Variants in ZC3HAV1 observed in about 807,000 individuals in gnomAD.
The protein encoded by ZC3HAV1 is zinc finger CCCH-type containing, antiviral 1, also known as zinc finger CCCH-type antiviral protein 1.
A neutral mutation model predicts 86.6 loss-of-function variants in ZC3HAV1; 41 were observed. That is an observed-to-expected ratio of 0.47 (90% CI 0.37 to 0.61). The LOEUF is 0.61. ZC3HAV1 is among the 20% of genes least tolerant of loss of function. ZC3HAV1 has a pLI of 0.00. For missense variants in ZC3HAV1, 964 were observed against 1,141.1 expected (o/e 0.84, Z 2.24); for synonymous variants, 421 against 432.1 (o/e 0.97, Z 0.32).
intron 2 of ZC3HAV1, 141 bp from the exon 3 acceptor site, chr7:139,084,173 C>T: frequency 2.5e-6 from 3 of 1,193,636 alleles, no homozygotes; most frequent in Non-Finnish European, 2.3e-6. Context: ...GCATATTCTG[C>T]AGTCTTTGAT....
chr7:139,076,171 C>A, intron 6 of ZC3HAV1, 115 bp downstream of exon 6: 1 of 1,498,800 alleles, frequency 6.7e-7, no homozygotes, highest in Non-Finnish European at 9.0e-7. Flanking sequence ...GTATTTCACA[C>A]TCGAATGGGA....
At chr7:139,103,384 A>G (rs1428639661) in intron 1 of ZC3HAV1, among the ~76,000 whole-genome samples, 3 of 151,688 alleles carry the variant, frequency 2.0e-5, no homozygotes, top group Non-Finnish European at 2.9e-5. Context: ...TACACCCATG[A>G]GCCACTGCAC....
intron 2 of ZC3HAV1, 89 bp downstream of exon 2, chr7:139,089,535 T>C (rs562277080): frequency 2.8e-6 from 4 of 1,448,074 alleles, no homozygotes; most frequent in African/African-American, 1.5e-5. Context: ...GCATTAATTT[T>C]GAATTTTCTC....
chr7:139,077,319 C>G (rs1816981769), intron 5 of ZC3HAV1, among the ~76,000 whole-genome samples: 3 of 152,238 alleles, frequency 2.0e-5, no homozygotes, highest in Non-Finnish European at 4.4e-5. Context: ...TCTTGGCTCA[C>G]TGCAACCTCC....
chr7:139,101,376 G>A (rs1290378989), intron 1 of ZC3HAV1, among the ~76,000 whole-genome samples: 1 of 145,088 alleles, frequency 6.9e-6, no homozygotes, highest in East Asian at 2.1e-4. Context: ...CTTCCCGGCC[G>A]CCATCCCGTC....
intron 7 of ZC3HAV1, among the ~76,000 whole-genome samples, chr7:139,070,235 T>C (rs10236919): frequency 0.03 from 4,525 of 152,302 alleles, 229 homozygotes; most frequent in African/African-American, 0.1. Flanking sequence ...ACAACATTCA[T>C]GTGTTTGCAG....
At chr7:139,094,472 C>T (rs555305859) in intron 1 of ZC3HAV1, among the ~76,000 whole-genome samples, 10 of 142,654 alleles carry the variant, frequency 7.0e-5, no homozygotes, top group South Asian at 4.5e-4. Context: ...ACAAAGAGGG[C>T]GAGTTGCAGT....
intron 1 of ZC3HAV1, among the ~76,000 whole-genome samples, chr7:139,104,260 C>T (rs1407561298): frequency 7.0e-6 from 1 of 143,254 alleles, no homozygotes; most frequent in Admixed American, 7.1e-5. Context: ...GACATACAAA[C>T]AGGAAAGAAC....
chr7:139,050,011 A>G, intron 12 of ZC3HAV1: 1 of 164,084 alleles, frequency 6.1e-6, no homozygotes, highest in Non-Finnish European at 1.4e-5. Context: ...AACCATTTTC[A>G]CAGATCACCG....
chr7:139,079,395 C>G, intron 4 of ZC3HAV1, 75 bp downstream of exon 4: 1 of 1,611,294 alleles, frequency 6.2e-7, no homozygotes, highest in Non-Finnish European at 8.5e-7. Flanking sequence ...GTAGTTTTAT[C>G]CACTACTTGA....
At chr7:139,105,349 A>G (rs949543559) in intron 1 of ZC3HAV1, among the ~76,000 whole-genome samples, 3 of 152,218 alleles carry the variant, frequency 2.0e-5, no homozygotes, top group Admixed American at 2.0e-4. Context: ...GACTTAAAAT[A>G]CTACCTTAGG....
intron 8 of ZC3HAV1, 84 bp downstream of exon 8, chr7:139,064,780 CCTGGCCATAGCAATG>C (rs549118757): frequency 1.3e-6 from 2 of 1,577,598 alleles, no homozygotes; most frequent in African/African-American, 2.7e-5. Flanking sequence ...TGACCTTGAC[CCTGGCCATAGCAATG>C]CATACCCACT....
intron 9 of ZC3HAV1, 28 bp from the exon 10 acceptor site, chr7:139,055,323 A>T: frequency 6.3e-7 from 1 of 1,591,090 alleles, no homozygotes; most frequent in Non-Finnish European, 8.6e-7. Context: ...GAATTCACTT[A>T]ACTCTCTGCT....
intron 9 of ZC3HAV1, among the ~76,000 whole-genome samples, chr7:139,059,909 A>T (rs1003383768): frequency 1.3e-5 from 2 of 152,194 alleles, no homozygotes; most frequent in Non-Finnish European, 2.9e-5. Context: ...AACCGTGAGG[A>T]AGGTATTATT....
At chr7:139,062,920 T>C (rs537690002) in intron 8 of ZC3HAV1, among the ~76,000 whole-genome samples, 2 of 150,444 alleles carry the variant, frequency 1.3e-5, no homozygotes, top group Admixed American at 1.3e-4. Flanking sequence ...TCCCAGCTAC[T>C]TGGGAGGCTG....
At chr7:139,067,661 AGG>A (rs1816645612) in intron 7 of ZC3HAV1, among the ~76,000 whole-genome samples, 1 of 152,216 alleles carries the variant, frequency 6.6e-6, no homozygotes, top group African/African-American at 2.4e-5. Flanking sequence ...CTTTACTACT[AGG>A]TAATCTATGC....
chr7:139,050,304 C>G (rs1816086208), intron 12 of ZC3HAV1, among the ~76,000 whole-genome samples: 1 of 151,988 alleles, frequency 6.6e-6, no homozygotes. Context: ...TCTATATTTT[C>G]TTTTTTTAAA....
chr7:139,059,222 C>T (rs540659855), intron 9 of ZC3HAV1, among the ~76,000 whole-genome samples: 1 of 152,292 alleles, frequency 6.6e-6, no homozygotes, highest in South Asian at 2.1e-4. Flanking sequence ...TAGTTATTGC[C>T]TCATCCACCA....
chr7:139,056,410 C>CTTTT (rs143452325), intron 9 of ZC3HAV1, among the ~76,000 whole-genome samples: 4 of 132,108 alleles, frequency 3.0e-5, no homozygotes, highest in African/African-American at 5.6e-5. Flanking sequence ...TTTTTCTTTT[C>CTTTT]TTTTCTTTTT....
Sources: gnomAD v4.1 joint callset for allele counts (sites outside exome capture counted in the v4.1 genomes callset) on GRCh38, gnomAD v4.1.1 for gene constraint, MANE v1.5 for transcripts, NCBI Gene and HGNC (gene_info 2026-07-23, HGNC 2026-07-21) for gene names.